The following PRKAG2 variants were observed in gnomAD, a reference collection of about 807,000 sequenced individuals.
PRKAG2 encodes 5'-AMP-activated protein kinase subunit gamma-2.
In PRKAG2, 26 loss-of-function variants were observed where a neutral mutation model predicts 69.6. The ratio of observed to expected loss-of-function variants is 0.37; its 90% CI spans 0.27 to 0.52. The LOEUF is 0.52. Ranked by LOEUF, PRKAG2 falls within the 20% of genes least tolerant of loss-of-function variation. PRKAG2 has a pLI of 0.90. For synonymous variants in PRKAG2, 293 were observed against 285.0 expected (o/e 1.03, Z -0.28); for missense variants, 557 against 740.0 (o/e 0.75, Z 2.87).
intron 1 of PRKAG2, among the ~76,000 whole-genome samples, chr7:151,851,498 C>T (rs1040817434): frequency 1.3e-5 from 2 of 152,184 alleles, no homozygotes; most frequent in Non-Finnish European, 2.9e-5. Context: ...GACGTGGAGT[C>T]GCAATGGCCA....
chr7:151,686,637 C>A (rs909273908), intron 3 of PRKAG2, among the ~76,000 whole-genome samples: 1 of 152,226 alleles, frequency 6.6e-6, no homozygotes, highest in Non-Finnish European at 1.5e-5. Flanking sequence ...AAGTTTCACA[C>A]CCGCCTGGTG....
At chr7:151,626,384 GT>G (rs1345597588) in intron 5 of PRKAG2, among the ~76,000 whole-genome samples, 4 of 152,194 alleles carry the variant, frequency 2.6e-5, no homozygotes, top group Non-Finnish European at 5.9e-5. Flanking sequence ...AGGGCAATAT[GT>G]TACATATGGC....
rs999703605 is a variant in PRKAG2, at chr7:151,756,951, C to T, written c.466+24201G>A. Among the ~76,000 whole-genome samples the T allele has an allele frequency of 2.6e-5, 4 of 152,178 alleles. No individual in the cohort carries two copies. The highest frequency in any genetic ancestry group is 7.2e-5 in the African/African-American group (3 of 41,428). ...GACGATTCAGACGGGGTCAGCGCTG[C>T]GATTCGGGGGAGTAACCAGCGGTGA... On this transcript the variant is annotated intron_variant, in intron 3 of 15. Transcript: ENST00000287878. The surrounding 1 kb of genome is among the most constrained non-coding windows in gnomAD (Gnocchi z 4.9).
At position 151,565,753 on chromosome 7, in the gene PRKAG2, G is replaced by C. The variant is rs779098740; in HGVS notation, c.1366C>G (p.Arg456Gly). 1.2e-6 allele frequency: 2 copies of C among 1,613,860 alleles called. No homozygotes were observed. Among genetic ancestry groups the C allele is most frequent in the East Asian group, 4.5e-5 (2 of 44,882 alleles). Residue 456 changes from arginine (R) to glycine (G), a missense_variant, in exon 12 of 16, where the codon CGA becomes GGA. Physicochemically the swap from Arg to Gly is moderately radical, Grantham distance 125 (BLOSUM62 -2). Coordinates refer to ENST00000287878, the MANE Select transcript of PRKAG2 (RefSeq NM_016203.4). ...IKALNIFVER[R>G]ISALPVVDES... is the part of the protein sequence containing the mutation. Reference sequence around the variant, plus strand: ...TCCACAACAGGCAGAGCTGATATTCGTCTTTCCACAAATATGTTCAAGGCT... The same window carrying C: ...TCCACAACAGGCAGAGCTGATATTCCTCTTTCCACAAATATGTTCAAGGCT...
At chr7:151,772,614 C>A (rs2076072365) in intron 3 of PRKAG2, among the ~76,000 whole-genome samples, 1 of 152,120 alleles carries the variant, frequency 6.6e-6, no homozygotes, top group Non-Finnish European at 1.5e-5. Flanking sequence ...GCCTGACATC[C>A]CAAGATTTAG....
chr7:151,809,832 T>G (rs535261120), intron 1 of PRKAG2: 8 of 152,682 alleles, frequency 5.2e-5, no homozygotes, highest in Non-Finnish European at 1.0e-4. Flanking sequence ...AAAAGTGTCC[T>G]GCACATTTCC....
chr7:151,678,213 G>A (rs561340524), intron 3 of PRKAG2, among the ~76,000 whole-genome samples: 14 of 152,256 alleles, frequency 9.2e-5, no homozygotes, highest in South Asian at 4.1e-4. Flanking sequence ...ACTGTTTAAC[G>A]TTCAAACCAA....
intron 4 of PRKAG2, among the ~76,000 whole-genome samples, chr7:151,645,821 T>C (rs1827466053): frequency 6.6e-6 from 1 of 152,236 alleles, no homozygotes; most frequent in South Asian, 2.1e-4. Flanking sequence ...AAATGTTTCC[T>C]TCTAGAAGTT....
intron 1 of PRKAG2, among the ~76,000 whole-genome samples, chr7:151,843,319 A>G (rs2079354544): frequency 6.6e-6 from 1 of 152,166 alleles, no homozygotes; most frequent in Non-Finnish European, 1.5e-5. Flanking sequence ...GCTGATGTAC[A>G]TGAGACACTT....
At chr7:151,668,368 G>T (rs1189756186) in intron 4 of PRKAG2, among the ~76,000 whole-genome samples, 1 of 152,128 alleles carries the variant, frequency 6.6e-6, no homozygotes, top group African/African-American at 2.4e-5. Flanking sequence ...CCAGCCTCAG[G>T]TATATTGTTA....
rs1323608102 is a variant in PRKAG2 at position 151,719,211 on chromosome 7, G to C, written c.467-43574C>G. 1.3e-5 allele frequency among the ~76,000 whole-genome samples: 2 copies of C among 152,176 alleles called. No homozygotes were observed. Among genetic ancestry groups the C allele is most frequent in the Non-Finnish European group, 2.9e-5 (2 of 68,026 alleles). On this transcript the variant is annotated intron_variant, in intron 3 of 15. Coordinates refer to ENST00000287878, the MANE Select transcript of PRKAG2 (RefSeq NM_016203.4). The surrounding 1 kb of genome is among the most constrained non-coding windows in gnomAD (Gnocchi z 5.2). Reference sequence around the variant, plus strand: ...AGACAGAAAGCCCCATGGCAGAAGGGAGAGAGGTCCTGCCCCACTCCCGGT... The same window carrying C: ...AGACAGAAAGCCCCATGGCAGAAGGCAGAGAGGTCCTGCCCCACTCCCGGT...
rs544156239 is a variant in PRKAG2, at chr7:151,648,336, A to C, written c.685-16198T>G. Among the ~76,000 whole-genome samples the C allele has an allele frequency of 3.9e-5, 6 of 152,332 alleles. No homozygotes were observed. In the East Asian group the frequency reaches 1.2e-3, roughly 29 times the overall value. On this transcript the variant is annotated intron_variant, in intron 4 of 15. Transcript: ENST00000287878. ...TCAGATATATTTTTCCATGATATAC[A>C]AAAATGTCGCTATGAAAACGTTCAT...
intron 3 of PRKAG2, among the ~76,000 whole-genome samples, chr7:151,702,444 G>A (rs1837882101): frequency 6.6e-6 from 1 of 152,152 alleles, no homozygotes; most frequent in Admixed American, 6.5e-5. Context: ...GGTCCACACT[G>A]ATCCTGAGAG....
chr7:151,702,164 C>T lies in PRKAG2; in HGVS notation c.467-26527G>A, dbSNP rs565189758. Among the ~76,000 whole-genome samples the T allele has an allele frequency of 3.9e-5, 6 of 152,238 alleles. No homozygotes were observed. The South Asian group carries it at 6.2e-4, about 16-fold the overall frequency. On this transcript the variant is annotated intron_variant, in intron 3 of 15. Coordinates refer to ENST00000287878, the MANE Select transcript of PRKAG2 (RefSeq NM_016203.4). Reference sequence around the variant, plus strand: ...AACACTTCCCCCTGTGCGGGGAGTTCGATTGGAGGGTGGTGTTCTGCAGAA... The same window carrying T: ...AACACTTCCCCCTGTGCGGGGAGTTTGATTGGAGGGTGGTGTTCTGCAGAA...
Position 151,591,684 on chromosome 7 carries a change from G to A in PRKAG2, c.864+3661C>T, listed in dbSNP as rs73479343. Among the ~76,000 whole-genome samples the A allele has an allele frequency of 1.8e-3, 281 of 152,224 alleles. 3 individuals carry two copies. Among genetic ancestry groups the A allele is most frequent in the Middle Eastern group, 0.017 (5 of 294 alleles). On this transcript the variant is annotated intron_variant, in intron 6 of 15. Transcript: ENST00000287878. ...GACACTAAAAGCTGTTTTCAGAGAG[G>A]CCCAGGGCACGATCAGGCATGTGGC...
chr7:151,663,665 T>C (rs1205775348), intron 4 of PRKAG2, among the ~76,000 whole-genome samples: 1 of 152,232 alleles, frequency 6.6e-6, no homozygotes, highest in Non-Finnish European at 1.5e-5. Flanking sequence ...TGGCCCACTT[T>C]GCCAGCTTAG....
rs986785254 is a variant in PRKAG2 at position 151,777,016 on chromosome 7, C to T, written c.466+4136G>A. 6.2e-4 allele frequency among the ~76,000 whole-genome samples: 94 copies of T among 152,298 alleles called. No individual in the cohort carries two copies. Among genetic ancestry groups the T allele is most frequent in the African/African-American group, 2.1e-3 (88 of 41,568 alleles). On this transcript the variant is annotated intron_variant, in intron 3 of 15. Coordinates refer to ENST00000287878, the MANE Select transcript of PRKAG2 (RefSeq NM_016203.4). The surrounding 1 kb of genome is among the most constrained non-coding windows in gnomAD (Gnocchi z 4.3). The stretch of plus-strand genomic sequence containing the variant: ...AAGGTACAGCCCCCACATTCCTCAG[C>T]CCGCAGCTGGAGCTCCTGCAGTACA...
At chr7:151,799,677 A>G (rs2077732295) in intron 1 of PRKAG2, among the ~76,000 whole-genome samples, 1 of 152,074 alleles carries the variant, frequency 6.6e-6, no homozygotes, top group African/African-American at 2.4e-5. Flanking sequence ...GGGCGCGGAC[A>G]CTCTGCATGG....
At chr7:151,827,745 TAAAAAAAAAAAAA>T (rs55685618) in intron 1 of PRKAG2, among the ~76,000 whole-genome samples, 11 of 52,248 alleles carry the variant, frequency 2.1e-4, no homozygotes, top group African/African-American at 2.4e-4. Flanking sequence ...TGGCCTTAGG[TAAAAAAAAAAAAA>T]AAAAAAAAAA....
Sources: allele counts gnomAD v4.1 joint callset (sites outside exome capture counted in the v4.1 genomes callset), GRCh38; gene constraint gnomAD v4.1.1; non-coding constraint Gnocchi (gnomAD v3.1); transcripts MANE v1.5; gene names NCBI Gene and HGNC (gene_info 2026-07-23, HGNC 2026-07-21).